ADAMTS19: variants seen among roughly 807,000 people sequenced by gnomAD.
The protein encoded by ADAMTS19 is A disintegrin and metalloproteinase with thrombospondin motifs 19.
A neutral mutation model predicts 153.3 loss-of-function variants in ADAMTS19; 93 were observed. The ratio of observed to expected loss-of-function variants is 0.61; its 90% CI spans 0.51 to 0.72. The LOEUF (loss-of-function observed/expected upper bound fraction) is 0.72, where lower values mean the gene tolerates loss of function less well. Among genes scored for constraint, ADAMTS19 ranks in the 30% least tolerant of loss-of-function variants. The probability of loss-of-function intolerance (pLI) is 0.00; values close to 1 mark genes in which losing one functional copy is unlikely to be tolerated. For synonymous variants in ADAMTS19, 600 were observed against 556.6 expected (o/e 1.08, Z -1.10); for missense variants, 1,482 against 1,552.1 (o/e 0.95, Z 0.76).
intron 16 of ADAMTS19, among the ~76,000 whole-genome samples, chr5:129,673,845 A>G (rs1039264603): frequency 6.6e-6 from 1 of 152,204 alleles, no homozygotes; most frequent in African/African-American, 2.4e-5. Context: ...TAAAATTTAA[A>G]TTTAATTAAT....
chr5:129,536,343 A>C (rs1285733604), intron 6 of ADAMTS19, among the ~76,000 whole-genome samples: 1 of 152,214 alleles, frequency 6.6e-6, no homozygotes, highest in African/African-American at 2.4e-5. Context: ...AGAAAAATGC[A>C]AATCAAAACC....
chr5:129,595,821 A>G (rs1290826796), intron 7 of ADAMTS19, among the ~76,000 whole-genome samples: 1 of 152,104 alleles, frequency 6.6e-6, no homozygotes, highest in Non-Finnish European at 1.5e-5. Context: ...CATTTTCTGA[A>G]ATGATTATTC....
intron 13 of ADAMTS19, among the ~76,000 whole-genome samples, chr5:129,652,992 C>T (rs952584864): frequency 6.6e-6 from 1 of 152,250 alleles, no homozygotes; most frequent in African/African-American, 2.4e-5. Flanking sequence ...CAAAACCATG[C>T]ACATTAAAGG....
intron 21 of ADAMTS19, among the ~76,000 whole-genome samples, chr5:129,720,174 A>ATATATATATATATATAT (rs1463139553): frequency 2.6e-5 from 3 of 113,348 alleles, no homozygotes; most frequent in African/African-American, 9.5e-5. Flanking sequence ...ATATATATTT[A>ATATATATATATATATAT]TTTTTTTTTT....
Position 129,648,990 on chromosome 5 carries a change from C to A in ADAMTS19, c.2176+20C>A, listed in dbSNP as rs768097515. On this transcript the variant is annotated intron_variant, in intron 13 of 22. Coordinates refer to ENST00000274487, the MANE Select transcript of ADAMTS19 (RefSeq NM_133638.6). ...ATGAAGGTATGACCAACCAGATCAC[C>A]ACCATCTTTGTTAACTAGATTTCTA... The A allele has an allele frequency of 1.3e-6, 2 of 1,547,808 alleles. No homozygotes were observed. Among genetic ancestry groups the A allele is most frequent in the East Asian group, 2.3e-5 (1 of 43,752 alleles).
chr5:129,547,011 A>C (rs1466702517), intron 6 of ADAMTS19, among the ~76,000 whole-genome samples: 1 of 150,996 alleles, frequency 6.6e-6, no homozygotes, highest in Non-Finnish European at 1.5e-5. Context: ...TGTGGTAGGC[A>C]GGAAAAGTAA....
At chr5:129,649,508 T>C (rs2127044171) in intron 13 of ADAMTS19, among the ~76,000 whole-genome samples, 1 of 152,244 alleles carries the variant, frequency 6.6e-6, no homozygotes, top group African/African-American at 2.4e-5. Flanking sequence ...AATTATAAAA[T>C]TATAGAGATG....
Position 129,460,371 on chromosome 5 carries a change from C to A in ADAMTS19, c.-21C>A, listed in dbSNP as rs769700180. 28 of 1,606,558 alleles carry A rather than the reference C, an allele frequency of 1.7e-5. No homozygotes were observed. In the South Asian group the frequency reaches 3.0e-4, roughly 17 times the overall value. On this transcript the variant is annotated 5_prime_UTR_variant, in exon 1 of 23. Coordinates refer to ENST00000274487, the MANE Select transcript of ADAMTS19 (RefSeq NM_133638.6). ...CTGGAGGCGTGCGCCGGGCGAGAAG[C>A]CGCGGCCGCGGGAGCGCAGTATGGG...
rs1034627992 is a variant in ADAMTS19, at chr5:129,461,614, C to A, written c.604C>A (p.Arg202=). 4 of 1,568,034 alleles carry A rather than the reference C, an allele frequency of 2.6e-6. No individual in the cohort carries two copies. The highest frequency in any genetic ancestry group is 3.4e-6 in the Non-Finnish European group (4 of 1,160,252). ...GGCGCCGCGCTTCGCAGTGGAACAG[C>A]GGCCAAATCCCGGCCCCGGCCCCAC... ...FLAPRFAVEQ[R]PNPGPGPTGA... Residue 202 remains arginine, a synonymous_variant, in exon 2 of 23, where the codon CGG becomes AGG. Coordinates refer to ENST00000274487, the MANE Select transcript of ADAMTS19 (RefSeq NM_133638.6). The surrounding 1 kb of genome is among the most constrained non-coding windows in gnomAD (Gnocchi z 4.6).
chr5:129,728,429 G>A (rs1042936168), intron 21 of ADAMTS19, among the ~76,000 whole-genome samples: 1 of 152,056 alleles, frequency 6.6e-6, no homozygotes, highest in Non-Finnish European at 1.5e-5. Flanking sequence ...TGTTACATAT[G>A]TATACCGTTC....
chr5:129,665,622 C>A, intron 16 of ADAMTS19, 43 bp downstream of exon 16: 1 of 1,459,802 alleles, frequency 6.9e-7, no homozygotes, highest in East Asian at 2.3e-5. Context: ...AGTACGAGCC[C>A]AACTCCCTGC....
intron 6 of ADAMTS19, among the ~76,000 whole-genome samples, chr5:129,541,269 G>A (rs1023786712): frequency 6.6e-6 from 1 of 151,382 alleles, no homozygotes; most frequent in African/African-American, 2.4e-5. Flanking sequence ...ACGATAAGCA[G>A]TGCATTTGTC....
intron 3 of ADAMTS19, among the ~76,000 whole-genome samples, chr5:129,521,168 A>G (rs2126748899): frequency 6.6e-6 from 1 of 152,304 alleles, no homozygotes; most frequent in South Asian, 2.1e-4. Context: ...CTGACTATCA[A>G]AAAATAGTTT....
chr5:129,682,330 A>T (rs1202754696), intron 17 of ADAMTS19, among the ~76,000 whole-genome samples: 2 of 152,228 alleles, frequency 1.3e-5, no homozygotes, highest in African/African-American at 2.4e-5. Flanking sequence ...TTCTGCTGCC[A>T]TGCTTCAGCA....
intron 2 of ADAMTS19, among the ~76,000 whole-genome samples, chr5:129,481,120 A>AT (rs1750393043): frequency 6.6e-6 from 1 of 152,156 alleles, no homozygotes; most frequent in African/African-American, 2.4e-5. Flanking sequence ...GAGACTAGTT[A>AT]ATTTATAAAC....
intron 6 of ADAMTS19, among the ~76,000 whole-genome samples, chr5:129,543,056 T>G (rs556966971): frequency 5.9e-4 from 90 of 151,520 alleles, no homozygotes; most frequent in African/African-American, 1.8e-3. Context: ...TTGTTTTTTT[T>G]TTTTTAATTT....
chr5:129,598,872 C>A (rs1019438881), intron 8 of ADAMTS19, among the ~76,000 whole-genome samples: 1 of 152,140 alleles, frequency 6.6e-6, no homozygotes, highest in Non-Finnish European at 1.5e-5. Flanking sequence ...TTGTGGAACT[C>A]ACTTATTTGA....
intron 1 of ADAMTS19, chr5:129,460,793 A>G: frequency 2.0e-6 from 1 of 511,784 alleles, no homozygotes; most frequent in East Asian, 3.5e-5. Context: ...GCTCTAGCAT[A>G]CACTTCAGAA....
chr5:129,648,262 G>C (rs1347688293), intron 12 of ADAMTS19, among the ~76,000 whole-genome samples: 3 of 152,156 alleles, frequency 2.0e-5, no homozygotes, highest in Non-Finnish European at 2.9e-5. Context: ...CAAAAGCTAA[G>C]ACTAACGAAA....
Sources: gnomAD v4.1 joint callset for allele counts (sites outside exome capture counted in the v4.1 genomes callset) on GRCh38, gnomAD v4.1.1 for gene constraint, Gnocchi (gnomAD v3.1) non-coding constraint, MANE v1.5 for transcripts, NCBI Gene and HGNC (gene_info 2026-07-23, HGNC 2026-07-21) for gene names.